RTKN: variants seen among roughly 807,000 people sequenced by gnomAD.
RTKN encodes the protein rhotekin.
A neutral mutation model predicts 63.5 loss-of-function variants in RTKN; 49 were observed. The ratio of observed to expected loss-of-function variants is 0.77; its 90% CI spans 0.61 to 0.98. The LOEUF is 0.98. RTKN is among the 50% of genes least tolerant of loss of function. RTKN has a pLI of 0.00. For missense variants in RTKN, 685 were observed against 740.8 expected (o/e 0.92, Z 0.87); for synonymous variants, 295 against 290.4 (o/e 1.02, Z -0.16).
At chr2:74,430,743 C>T (rs780017999) in intron 2 of RTKN, 66 bp from the exon 3 acceptor site, 25 of 1,487,988 alleles carry the variant, frequency 1.7e-5, no homozygotes, top group Non-Finnish European at 2.1e-5. Flanking sequence ...CTGGTCCCAA[C>T]GACTCTAGGA....
At chr2:74,440,106 G>T (rs893581898) in intron 1 of RTKN, 4 of 598,710 alleles carry the variant, frequency 6.7e-6, no homozygotes, top group Non-Finnish European at 8.6e-6. Flanking sequence ...CTGGAAGGGG[G>T]CAGGGAAACG....
chr2:74,431,571 G>C (rs1670754757), intron 2 of RTKN, among the ~76,000 whole-genome samples: 1 of 152,258 alleles, frequency 6.6e-6, no homozygotes, highest in Admixed American at 6.5e-5. Flanking sequence ...TGGCAGGACA[G>C]AGTCTGTCCA....
chr2:74,440,637 G>T, intron 1 of RTKN: 1 of 905,388 alleles, frequency 1.1e-6, no homozygotes, highest in Non-Finnish European at 1.3e-6. Context: ...CCTCCCCCTG[G>T]TCCCGGGCCT....
At position 74,428,372 on chromosome 2, in the gene RTKN, C is replaced by T. The variant is rs867732700; in HGVS notation, c.982G>A (p.Ala328Thr). The T allele has an allele frequency of 1.2e-6, 2 of 1,614,122 alleles. No homozygotes were observed. Among genetic ancestry groups the T allele is most frequent in the African/African-American group, 2.7e-5 (2 of 75,002 alleles). The stretch of plus-strand genomic sequence containing the variant: ...CCTTTCAGAACTCCATGCACTTGTG[C>T]CCAGTTCTGCATCTCCCCAGCTTGC... ...VQQAGEMQNW[A>T]QVHGVLKGTN... is the part of the protein sequence containing the mutation. The change falls in exon 9 of 12, where the codon GCA becomes ACA. Residue 328 changes from alanine (A) to threonine (T), a missense_variant. Physicochemically the swap from Ala to Thr is moderately conservative, Grantham distance 58 (BLOSUM62 0). Coordinates refer to ENST00000272430, the MANE Select transcript of RTKN (RefSeq NM_001015055.2).
chr2:74,427,203 T>G lies in RTKN; in HGVS notation c.1326A>C (p.Ala442=), dbSNP rs1204508324. The change falls in exon 11 of 12, where the codon GCA becomes GCC. Residue 442 remains alanine, a synonymous_variant. Coordinates refer to ENST00000272430, the MANE Select transcript of RTKN (RefSeq NM_001015055.2). ...GGTACAAGGACCCCTGCTTTGCCAG[T>G]GCTTGGGGTGGTTTCCGGGGAGCAG... ...ETPAPRKPPQ[A]LAKQGSLYHE... is the part of the protein sequence containing the mutation. The G allele has an allele frequency of 1.2e-6, 2 of 1,614,150 alleles. No homozygotes were observed. The highest frequency in any genetic ancestry group is 2.2e-5 in the East Asian group (1 of 44,884).
intron 1 of RTKN, chr2:74,439,541 G>A (rs556107515): frequency 1.2e-5 from 19 of 1,613,924 alleles, no homozygotes; most frequent in African/African-American, 2.7e-5. Flanking sequence ...TCCAAGGGTC[G>A]GGGGATTACC....
At chr2:74,427,101 T>C in intron 11 of RTKN, 68 bp downstream of exon 11, 4 of 1,551,320 alleles carry the variant, frequency 2.6e-6, no homozygotes, top group Non-Finnish European at 3.5e-6. Context: ...TTCCATTATC[T>C]GGTTTCTCTT....
rs1166976813 is a variant in RTKN at position 74,430,672 on chromosome 2, G to T, written c.317C>A (p.Ser106Tyr). 4 of 1,612,178 alleles carry T rather than the reference G, an allele frequency of 2.5e-6. No homozygotes were observed. The South Asian group carries it at 4.4e-5, about 18-fold the overall frequency. The change falls in exon 3 of 12, where the codon TCT becomes TAT. Residue 106 changes from serine (S) to tyrosine (Y), a missense_variant. Physicochemically the swap from Ser to Tyr is moderately radical, Grantham distance 144. Coordinates refer to ENST00000272430, the MANE Select transcript of RTKN (RefSeq NM_001015055.2). Reference protein sequence around the residue: ...QVLGKTSRRPSDSGPPAERSP... With the variant: ...QVLGKTSRRPYDSGPPAERSP... ...GCGCTCAGCGGGCGGGCCACTGTCA[G>T]AAGGCCTGTGGATAAATCACAATGT...
intron 1 of RTKN, chr2:74,439,742 C>A: frequency 6.5e-7 from 1 of 1,530,408 alleles, no homozygotes; most frequent in Non-Finnish European, 8.8e-7. Flanking sequence ...AGGTGGCCAG[C>A]TCTTGGGCAG....
chr2:74,430,420 T>G, intron 4 of RTKN, 45 bp downstream of exon 4: 1 of 1,613,458 alleles, frequency 6.2e-7, no homozygotes, highest in Non-Finnish European at 8.5e-7. Flanking sequence ...GCCTCCTACT[T>G]CAGGGTCATT....
At chr2:74,437,228 A>G (rs916827061) in intron 1 of RTKN, among the ~76,000 whole-genome samples, 6 of 152,200 alleles carry the variant, frequency 3.9e-5, no homozygotes, top group Non-Finnish European at 8.8e-5. Flanking sequence ...TTTGAGAATT[A>G]TATGGGAAAG....
chr2:74,426,633 C>T (rs1322202619), intron 11 of RTKN, 59 bp from the exon 12 acceptor site: 3 of 1,497,618 alleles, frequency 2.0e-6, no homozygotes, highest in Admixed American at 4.8e-5. Context: ...AGGCCCCAAG[C>T]CTACCCAGCC....
chr2:74,432,935 G>C (rs1473246846), intron 1 of RTKN, among the ~76,000 whole-genome samples: 2 of 152,018 alleles, frequency 1.3e-5, no homozygotes, highest in Middle Eastern at 3.2e-3. Flanking sequence ...AACATAGTGA[G>C]ACCCCACCTC....
intron 7 of RTKN, 32 bp from the exon 8 acceptor site, chr2:74,428,769 G>T (rs1448271929): frequency 6.2e-7 from 1 of 1,608,834 alleles, no homozygotes; most frequent in Non-Finnish European, 8.5e-7. Flanking sequence ...GGTGAGGTAG[G>T]GGAATGAGAA....
At chr2:74,440,868 G>A (rs768115761) in intron 1 of RTKN, among the ~76,000 whole-genome samples, 1 of 152,252 alleles carries the variant, frequency 6.6e-6, no homozygotes, top group African/African-American at 2.4e-5. Flanking sequence ...GGAGGTAGAG[G>A]GGGCGGAAGG....
intron 5 of RTKN, 93 bp downstream of exon 5, chr2:74,430,159 C>T: frequency 6.6e-7 from 1 of 1,509,820 alleles, no homozygotes; most frequent in Non-Finnish European, 9.2e-7. Flanking sequence ...TCCTCTCCAC[C>T]CTGCCCCCAT....
At chr2:74,440,553 C>A (rs1476657845) in intron 1 of RTKN, 29 of 985,998 alleles carry the variant, frequency 2.9e-5, no homozygotes, top group Non-Finnish European at 3.5e-5. Context: ...CCAGGCCCTG[C>A]GGCTCCGCCC....
At chr2:74,432,388 G>T in intron 2 of RTKN, 79 bp downstream of exon 2, 1 of 1,331,758 alleles carries the variant, frequency 7.5e-7, no homozygotes, top group Non-Finnish European at 1.1e-6. Flanking sequence ...TGGTCCACAT[G>T]CCACACACGC....
chr2:74,435,390 G>A (rs552562997), intron 1 of RTKN, among the ~76,000 whole-genome samples: 1 of 152,184 alleles, frequency 6.6e-6, no homozygotes, highest in Non-Finnish European at 1.5e-5. Context: ...CCCAGCATGT[G>A]GTATACATTA....
Sources: gnomAD v4.1 joint callset for allele counts (sites outside exome capture counted in the v4.1 genomes callset) on GRCh38, gnomAD v4.1.1 for gene constraint, MANE v1.5 for transcripts, NCBI Gene and HGNC (gene_info 2026-07-23, HGNC 2026-07-21) for gene names.